RPF2: variants seen among roughly 807,000 people sequenced by gnomAD.
The protein encoded by RPF2 is ribosome production factor 2 homolog.
Under a neutral mutation model 38.9 loss-of-function variants are expected in RPF2, and 21 were observed. The observed-to-expected ratio is 0.54, with a 90% CI of 0.38 to 0.78. RPF2 has a LOEUF of 0.78. Ranked by LOEUF, RPF2 falls within the 30% of genes least tolerant of loss-of-function variation. The pLI, the probability that RPF2 is intolerant of heterozygous loss-of-function variation, is 0.00. For synonymous variants in RPF2, 121 were observed against 126.2 expected (o/e 0.96, Z 0.28); for missense variants, 314 against 358.1 (o/e 0.88, Z 0.99).
intron 6 of RPF2, 39 bp downstream of exon 6, chr6:110,999,826 T>G (rs745347093): frequency 1.7e-5 from 20 of 1,151,738 alleles, no homozygotes; most frequent in Non-Finnish European, 1.8e-5. Flanking sequence ...TTTGTAATGC[T>G]TCTCTTGACC....
intron 1 of RPF2, among the ~76,000 whole-genome samples, chr6:110,983,433 A>G (rs987657004): frequency 6.6e-6 from 1 of 151,980 alleles, no homozygotes; most frequent in Non-Finnish European, 1.5e-5. Context: ...TGCAGCCTCG[A>G]CCTCCCTGGG....
chr6:110,995,814 C>G (rs1250112580), intron 4 of RPF2, among the ~76,000 whole-genome samples: 1 of 151,976 alleles, frequency 6.6e-6, no homozygotes, highest in Non-Finnish European at 1.5e-5. Context: ...TAAGATCTCT[C>G]TCTTTCTTTT....
In RPF2 at chr6:110,999,730, T is replaced by G; in HGVS notation, c.336T>G (p.His112Gln). 1 of 1,604,248 alleles carries G rather than the reference T, an allele frequency of 6.2e-7. No individual in the cohort carries two copies. The highest frequency in any genetic ancestry group is 8.5e-7 in the Non-Finnish European group (1 of 1,171,092). ...NLVIGRMYDY[H>Q]VLDMIELGIE... ...TTCCAGGTCGTATGTATGACTACCA[T>G]GTGCTGGATATGATTGAATTAGGTA... The change falls in exon 6 of 10, where the codon CAT becomes CAG. Residue 112 changes from histidine to glutamine, a missense_variant. Transcript: ENST00000441448.
At chr6:110,984,474 C>CT (rs944679727) in intron 1 of RPF2, among the ~76,000 whole-genome samples, 5 of 151,740 alleles carry the variant, frequency 3.3e-5, no homozygotes, top group African/African-American at 4.8e-5. Flanking sequence ...AAAATGAAAG[C>CT]TTTTTTTTAA....
chr6:111,023,844 C>T (rs1772274452), intron 8 of RPF2, among the ~76,000 whole-genome samples: 1 of 151,980 alleles, frequency 6.6e-6, no homozygotes, highest in Admixed American at 6.6e-5. Flanking sequence ...AAAAATTAGC[C>T]AGGTGTGGTG....
At chr6:110,996,290 T>C (rs77042305) in intron 4 of RPF2, among the ~76,000 whole-genome samples, 13,792 of 152,154 alleles carry the variant, frequency 0.091, 701 homozygotes, top group Middle Eastern at 0.13. Context: ...GGAATTCTCC[T>C]GTCTAAGCCT....
intron 6 of RPF2, among the ~76,000 whole-genome samples, chr6:111,004,307 C>T (rs1451862728): frequency 6.6e-6 from 1 of 151,886 alleles, no homozygotes; most frequent in Non-Finnish European, 1.5e-5. Context: ...CTTAGCCTCC[C>T]AAGTAGCTGG....
chr6:111,017,774 A>G (rs9400456), intron 8 of RPF2, among the ~76,000 whole-genome samples: 50,678 of 141,896 alleles, frequency 0.36, 9,450 homozygotes, highest in East Asian at 0.72. Flanking sequence ...GACGATGGGC[A>G]GCCAGGCAGA....
chr6:110,990,890 G>A (rs1771609228), intron 3 of RPF2, among the ~76,000 whole-genome samples: 1 of 152,034 alleles, frequency 6.6e-6, no homozygotes, highest in Admixed American at 6.6e-5. Flanking sequence ...CTTTTACGTT[G>A]GTTCCTATGA....
At chr6:110,986,651 A>G (rs9374237) in intron 2 of RPF2, among the ~76,000 whole-genome samples, 31,700 of 152,030 alleles carry the variant, frequency 0.21, 3,561 homozygotes, top group African/African-American at 0.31. Context: ...TATGTAATCT[A>G]TGAAAGAAAG....
intron 4 of RPF2, among the ~76,000 whole-genome samples, chr6:110,995,745 G>C (rs1344592188): frequency 6.6e-6 from 1 of 152,126 alleles, no homozygotes; most frequent in African/African-American, 2.4e-5. Context: ...CCCACACCTA[G>C]ATTTTTTTAG....
chr6:110,999,624 G>A (rs1771778748), intron 5 of RPF2, 87 bp from the exon 6 acceptor site: 3 of 794,204 alleles, frequency 3.8e-6, no homozygotes, highest in Non-Finnish European at 6.6e-6. Flanking sequence ...GCAGATATTA[G>A]GACATTTTGA....
intron 8 of RPF2, among the ~76,000 whole-genome samples, chr6:111,018,183 G>C (rs955595915): frequency 6.6e-6 from 1 of 150,504 alleles, no homozygotes; most frequent in East Asian, 1.9e-4. Flanking sequence ...GCTTCGGCTC[G>C]GCATCAGGGG....
intron 8 of RPF2, among the ~76,000 whole-genome samples, chr6:111,018,368 G>A (rs1772169887): frequency 1.3e-5 from 2 of 152,194 alleles, no homozygotes; most frequent in African/African-American, 2.4e-5. Context: ...TGTACATTGA[G>A]TTTAGACTTT....
intron 3 of RPF2, among the ~76,000 whole-genome samples, chr6:110,989,524 C>T (rs1212993557): frequency 6.6e-6 from 1 of 152,092 alleles, no homozygotes; most frequent in Non-Finnish European, 1.5e-5. Context: ...GATCTCTGCT[C>T]ACTACAACCT....
chr6:111,015,820 C>T lies in RPF2; in HGVS notation c.560C>T (p.Thr187Ile). The T allele has an allele frequency of 6.2e-7, 1 of 1,612,890 alleles. No homozygotes were observed. The change falls in exon 8 of 10, where the codon ACT becomes ATT. Residue 187 changes from threonine (T) to isoleucine (I), a missense_variant. Thr to Ile is a moderately conservative substitution (Grantham distance 89, BLOSUM62 -1). Coordinates refer to ENST00000441448, the MANE Select transcript of RPF2 (RefSeq NM_032194.3). ...LAGLEYVLHF[T>I]ALNGKIYFRS... ...GGATTAGAGTATGTTCTGCACTTCA[C>T]TGCACTGAATGGGAAGATTTACTTT...
At position 111,024,304 on chromosome 6, in the gene RPF2, A is replaced by G. The variant is rs139490703; in HGVS notation, c.718A>G (p.Met240Val). The G allele has an allele frequency of 4.4e-5, 71 of 1,611,584 alleles. No homozygotes were observed. Among genetic ancestry groups the G allele is most frequent in the Admixed American group, 1.2e-4 (7 of 59,598 alleles). ...LASDDLYKLS[M>V]KMPKALKPKK... The stretch of plus-strand genomic sequence containing the variant: ...ATCGGATGACCTTTATAAATTATCT[A>G]TGAAAATGCCAAAAGCTCTCAAGGT... Residue 240 changes from methionine to valine, a missense_variant, in exon 9 of 10, where the codon ATG becomes GTG. Met to Val is a conservative substitution (Grantham distance 21, BLOSUM62 1). Coordinates refer to ENST00000441448, the MANE Select transcript of RPF2 (RefSeq NM_032194.3).
At chr6:111,022,753 A>G (rs1443708450) in intron 8 of RPF2, among the ~76,000 whole-genome samples, 1 of 152,254 alleles carries the variant, frequency 6.6e-6, no homozygotes, top group African/African-American at 2.4e-5. Context: ...TTGGCAGTGT[A>G]TAGTAGTACT....
At chr6:111,017,672 A>G (rs201020758) in intron 8 of RPF2, among the ~76,000 whole-genome samples, 20,749 of 114,138 alleles carry the variant, frequency 0.18, 1,868 homozygotes, top group East Asian at 0.52. Context: ...GGGCAGAGAC[A>G]CTCCTCACTT....
Sources: allele counts gnomAD v4.1 joint callset (sites outside exome capture counted in the v4.1 genomes callset), GRCh38; gene constraint gnomAD v4.1.1; transcripts MANE v1.5; gene names NCBI Gene and HGNC (gene_info 2026-07-23, HGNC 2026-07-21).